XKR4: variants seen among roughly 807,000 people sequenced by gnomAD.
XKR4 encodes the protein XK related 4.
XKR4 carries 12 observed loss-of-function variants against 53.9 expected under a neutral mutation model. That is an observed-to-expected ratio of 0.22 (90% CI 0.14 to 0.36). XKR4 has a LOEUF of 0.36. Ranked by LOEUF, XKR4 falls within the 10% of genes least tolerant of loss-of-function variation. XKR4 has a pLI of 1.00. For synonymous variants in XKR4, 354 were observed against 362.4 expected, an observed-to-expected ratio of 0.98 and a Z score of 0.26; for missense variants, 799 against 859.5, an observed-to-expected ratio of 0.93 and a Z score of 0.88.
intron 1 of XKR4, among the ~76,000 whole-genome samples, chr8:55,244,300 A>G (rs1312741250): frequency 2.0e-5 from 3 of 152,204 alleles, no homozygotes; most frequent in African/African-American, 7.2e-5. Flanking sequence ...TGCCACTTAT[A>G]AGCGAGAACA....
At chr8:55,388,013 A>G (rs1298628168) in intron 2 of XKR4, among the ~76,000 whole-genome samples, 3 of 152,234 alleles carry the variant, frequency 2.0e-5, no homozygotes, top group Non-Finnish European at 4.4e-5. Context: ...GTTGTAAGTT[A>G]GGACAATTAT....
At chr8:55,380,260 G>A (rs1183430659) in intron 2 of XKR4, among the ~76,000 whole-genome samples, 1 of 152,210 alleles carries the variant, frequency 6.6e-6, no homozygotes, top group African/African-American at 2.4e-5. Flanking sequence ...CACCAAATGT[G>A]CTGTGGCATC....
intron 1 of XKR4, among the ~76,000 whole-genome samples, chr8:55,243,955 A>G (rs527358252): frequency 8.5e-5 from 13 of 152,350 alleles, no homozygotes; most frequent in Middle Eastern, 3.4e-3. Context: ...TAATTATTCT[A>G]TGTGCGTGTG....
At chr8:55,315,420 G>A (rs529110826) in intron 1 of XKR4, among the ~76,000 whole-genome samples, 29 of 152,290 alleles carry the variant, frequency 1.9e-4, no homozygotes, top group East Asian at 3.9e-4. Flanking sequence ...GTGTGGCAGC[G>A]CCTAACCTGC....
intron 2 of XKR4, among the ~76,000 whole-genome samples, chr8:55,460,564 G>T (rs1205646271): frequency 2.0e-5 from 3 of 152,232 alleles, no homozygotes; most frequent in African/African-American, 7.2e-5. Flanking sequence ...TGACACAGAA[G>T]ATGGATGATT....
chr8:55,224,027 T>C (rs1683351561), intron 1 of XKR4, among the ~76,000 whole-genome samples: 2 of 152,212 alleles, frequency 1.3e-5, no homozygotes, highest in South Asian at 4.1e-4. Context: ...AACCTATTTG[T>C]CTTACATTTA....
chr8:55,388,223 C>A (rs1282439865), intron 2 of XKR4, among the ~76,000 whole-genome samples: 2 of 151,996 alleles, frequency 1.3e-5, no homozygotes, highest in East Asian at 3.9e-4. Context: ...TAATATTAAC[C>A]AATTTGTTGT....
rs1460521674 is a variant in XKR4, at chr8:55,450,198, C to A, written c.1007-73083C>A. ...CTCGGGGGCAGCTGTGGTAGCAGGG[C>A]CACACCACACAGCACCTGCTCTGGG... is the stretch of plus-strand genomic sequence containing the variant. On this transcript the variant is annotated intron_variant, in intron 2 of 2. Transcript: ENST00000327381. The A allele has an allele frequency of 1.2e-5, 8 of 658,266 alleles. No homozygotes were observed. The East Asian group carries it at 2.2e-4, about 18-fold the overall frequency. 40.8% of individuals were successfully genotyped at this position (658,266 alleles called of 1,614,324 possible). A position where few individuals can be genotyped will look rare whatever the true frequency, so the allele number is the denominator to read the frequency against.
intron 1 of XKR4, among the ~76,000 whole-genome samples, chr8:55,115,758 G>A (rs1411730347): frequency 1.3e-5 from 2 of 151,830 alleles, no homozygotes; most frequent in Non-Finnish European, 2.9e-5. Flanking sequence ...CTCCAGCCTG[G>A]TGACAGAGCT....
At chr8:55,208,129 A>G (rs1817676439) in intron 1 of XKR4, among the ~76,000 whole-genome samples, 1 of 152,232 alleles carries the variant, frequency 6.6e-6, no homozygotes, top group Non-Finnish European at 1.5e-5. Flanking sequence ...ACAGTCAAAT[A>G]ATTAACATAT....
intron 2 of XKR4, among the ~76,000 whole-genome samples, chr8:55,459,204 A>T (rs1805612842): frequency 6.6e-6 from 1 of 152,224 alleles, no homozygotes; most frequent in Admixed American, 6.5e-5. Flanking sequence ...AAATGATGCT[A>T]AAACAATTAA....
intron 1 of XKR4, among the ~76,000 whole-genome samples, chr8:55,117,565 C>T (rs1020358278): frequency 6.6e-6 from 1 of 152,112 alleles, no homozygotes; most frequent in African/African-American, 2.4e-5. Context: ...TTAAACCATC[C>T]GATCTTCTCA....
chr8:55,227,954 C>T (rs891677831), intron 1 of XKR4, among the ~76,000 whole-genome samples: 2 of 152,168 alleles, frequency 1.3e-5, no homozygotes, highest in African/African-American at 2.4e-5. Context: ...TCATCCAGGA[C>T]GGAGGGCAGT....
intron 2 of XKR4, among the ~76,000 whole-genome samples, chr8:55,495,301 A>G (rs1253991619): frequency 1.3e-5 from 2 of 152,156 alleles, no homozygotes; most frequent in East Asian, 1.9e-4. Flanking sequence ...TGGACCCCCA[A>G]GAGCACAGAG....
intron 1 of XKR4, among the ~76,000 whole-genome samples, chr8:55,239,873 A>G (rs1818184825): frequency 6.6e-6 from 1 of 152,090 alleles, no homozygotes; most frequent in Non-Finnish European, 1.5e-5. Flanking sequence ...GAGAAGGAGA[A>G]CTCTTGCAAA....
At chr8:55,270,568 G>T (rs2129372444) in intron 1 of XKR4, among the ~76,000 whole-genome samples, 1 of 152,284 alleles carries the variant, frequency 6.6e-6, no homozygotes, top group Admixed American at 6.5e-5. Context: ...TATTTCTGGG[G>T]TGTAACATAG....
intron 1 of XKR4, among the ~76,000 whole-genome samples, chr8:55,285,438 A>AGAGT (rs939559284): frequency 6.6e-6 from 1 of 152,180 alleles, no homozygotes; most frequent in Non-Finnish European, 1.5e-5. Flanking sequence ...CAGACAGTAT[A>AGAGT]GAGTGAATGA....
At chr8:55,325,671 T>G (rs1205057433) in intron 1 of XKR4, among the ~76,000 whole-genome samples, 2 of 152,190 alleles carry the variant, frequency 1.3e-5, no homozygotes, top group Non-Finnish European at 2.9e-5. Context: ...TAAATAATTT[T>G]AAGAAGATTC....
intron 1 of XKR4, among the ~76,000 whole-genome samples, chr8:55,254,474 C>A (rs778422244): frequency 1.3e-5 from 2 of 152,114 alleles, no homozygotes; most frequent in Non-Finnish European, 2.9e-5. Context: ...TTTTTCTAGG[C>A]AAAATCTATA....
Sources: gnomAD v4.1 joint callset for allele counts (sites outside exome capture counted in the v4.1 genomes callset) on GRCh38, gnomAD v4.1.1 for gene constraint, MANE v1.5 for transcripts, NCBI Gene and HGNC (gene_info 2026-07-23, HGNC 2026-07-21) for gene names.